CAP2: variants seen among roughly 807,000 people sequenced by gnomAD.
CAP2 encodes the protein adenylyl cyclase-associated protein 2.
Under a neutral mutation model 57.7 loss-of-function variants are expected in CAP2, and 24 were observed. The observed-to-expected ratio is 0.42, with a 90% CI of 0.30 to 0.58. CAP2 has a LOEUF of 0.58. CAP2 is among the 20% of genes least tolerant of loss of function. The pLI is 0.22. For synonymous variants in CAP2, 194 were observed against 207.2 expected (o/e 0.94, Z 0.55); for missense variants, 501 against 590.3 (o/e 0.85, Z 1.57).
intron 3 of CAP2, among the ~76,000 whole-genome samples, chr6:17,427,667 C>G (rs1277289326): frequency 2.6e-5 from 4 of 151,998 alleles, no homozygotes; most frequent in African/African-American, 9.7e-5. Flanking sequence ...ATGTATATCC[C>G]CCAAATTTAA....
At chr6:17,518,962 T>C (rs1042355564) in intron 7 of CAP2, among the ~76,000 whole-genome samples, 3 of 152,130 alleles carry the variant, frequency 2.0e-5, no homozygotes, top group South Asian at 4.1e-4. Flanking sequence ...AAAAACCCAT[T>C]CCATCTTAAC....
At chr6:17,536,517 T>TA (rs1335277059) in intron 7 of CAP2, among the ~76,000 whole-genome samples, 1 of 152,220 alleles carries the variant, frequency 6.6e-6, no homozygotes, top group Non-Finnish European at 1.5e-5. Context: ...CTTTGTAGCA[T>TA]TAAATGCTTT....
At chr6:17,504,536 C>T (rs1207729977) in intron 4 of CAP2, among the ~76,000 whole-genome samples, 1 of 152,168 alleles carries the variant, frequency 6.6e-6, no homozygotes, top group Non-Finnish European at 1.5e-5. Context: ...AGGGCCTCCC[C>T]GAAGACCTAG....
At chr6:17,510,652 T>C (rs955592907) in intron 6 of CAP2, among the ~76,000 whole-genome samples, 4 of 152,240 alleles carry the variant, frequency 2.6e-5, no homozygotes, top group Non-Finnish European at 5.9e-5. Context: ...AAATGCAAGA[T>C]GGTCTGTTCT....
intron 3 of CAP2, among the ~76,000 whole-genome samples, chr6:17,458,345 G>T (rs934199305): frequency 2.0e-5 from 3 of 152,168 alleles, no homozygotes; most frequent in African/African-American, 7.2e-5. Flanking sequence ...AATTTAAACA[G>T]TCAAGAGACT....
At chr6:17,502,112 C>T (rs929016940) in intron 4 of CAP2, among the ~76,000 whole-genome samples, 3 of 152,196 alleles carry the variant, frequency 2.0e-5, no homozygotes, top group Non-Finnish European at 4.4e-5. Context: ...GAGCTACCAC[C>T]AATGCACTCC....
chr6:17,414,311 TACATGTGCAGA>T (rs1759221106), intron 1 of CAP2, among the ~76,000 whole-genome samples: 1 of 152,022 alleles, frequency 6.6e-6, no homozygotes, highest in African/African-American at 2.4e-5. Flanking sequence ...AAAAATGGGA[TACATGTGCAGA>T]ACATGCAGGT....
At chr6:17,401,114 A>C (rs1007957442) in intron 1 of CAP2, among the ~76,000 whole-genome samples, 1 of 152,170 alleles carries the variant, frequency 6.6e-6, no homozygotes, top group African/African-American at 2.4e-5. Flanking sequence ...ATGTCCTCCC[A>C]AAATTCTTAT....
chr6:17,455,698 G>T (rs961254984), intron 3 of CAP2, among the ~76,000 whole-genome samples: 5 of 152,238 alleles, frequency 3.3e-5, no homozygotes, highest in African/African-American at 1.2e-4. Flanking sequence ...ACCATGCCCG[G>T]CTAATTTTTT....
intron 3 of CAP2, among the ~76,000 whole-genome samples, chr6:17,452,985 T>C (rs1217043186): frequency 6.6e-6 from 1 of 152,234 alleles, no homozygotes; most frequent in Non-Finnish European, 1.5e-5. Flanking sequence ...ACAGGACTGA[T>C]AGCAAAAGTT....
In CAP2 at chr6:17,462,327, T is replaced by C. The variant is rs572974118; in HGVS notation, c.223-669T>C. Among the ~76,000 whole-genome samples, 3 of 152,242 alleles carry C rather than the reference T, an allele frequency of 2.0e-5. No individual in the cohort carries two copies. In the East Asian group the frequency reaches 5.8e-4, roughly 29 times the overall value. On this transcript the variant is annotated intron_variant, in intron 3 of 12. Coordinates refer to ENST00000229922, the MANE Select transcript of CAP2 (RefSeq NM_006366.3). ...GGTGTAGAATAGAATGTGGGCACAG[T>C]GTGAAAGAGGGTAAGAGAGAGACAG...
At chr6:17,547,698 A>G (rs772825301) in intron 11 of CAP2, among the ~76,000 whole-genome samples, 1 of 151,990 alleles carries the variant, frequency 6.6e-6, no homozygotes, top group East Asian at 1.9e-4. Flanking sequence ...AAAATAAACC[A>G]GGCGTGGTGG....
intron 1 of CAP2, among the ~76,000 whole-genome samples, chr6:17,416,863 T>C (rs752319328): frequency 1.1e-4 from 17 of 152,050 alleles, no homozygotes; most frequent in Non-Finnish European, 1.9e-4. Context: ...GAAACTGAAA[T>C]GGGAGAATTG....
Position 17,536,353 on chromosome 6 carries a change from G to A in CAP2, c.637-2916G>A, listed in dbSNP as rs546557003. 3 of 452,070 alleles carry A rather than the reference G, an allele frequency of 6.6e-6. No individual in the cohort carries two copies. In the East Asian group the frequency reaches 2.1e-4, roughly 32 times the overall value. 28.0% of individuals were successfully genotyped at this position (452,070 alleles called of 1,614,324 possible). A position where few individuals can be genotyped will look rare whatever the true frequency, so the allele number is the denominator to read the frequency against. ...GAGTCCACTGTACGGTAAAGCACCTGAATGCTAATTGAAAAGTAACCTTGG... is the reference window on the plus strand; with the variant it reads ...GAGTCCACTGTACGGTAAAGCACCTAAATGCTAATTGAAAAGTAACCTTGG... On this transcript the variant is annotated intron_variant, in intron 7 of 12. Coordinates refer to ENST00000229922, the MANE Select transcript of CAP2 (RefSeq NM_006366.3).
At chr6:17,461,179 A>G (rs1760709777) in intron 3 of CAP2, among the ~76,000 whole-genome samples, 1 of 138,598 alleles carries the variant, frequency 7.2e-6, no homozygotes, top group Admixed American at 6.7e-5. Context: ...AGAAAAACAA[A>G]CAAAACAACA....
At chr6:17,401,920 T>C (rs752921340) in intron 1 of CAP2, among the ~76,000 whole-genome samples, 2 of 152,200 alleles carry the variant, frequency 1.3e-5, no homozygotes, top group African/African-American at 4.8e-5. Flanking sequence ...CAATTATCAA[T>C]TGAAAGTCTT....
At chr6:17,527,526 T>A (rs746603729) in intron 7 of CAP2, among the ~76,000 whole-genome samples, 7 of 152,128 alleles carry the variant, frequency 4.6e-5, no homozygotes, top group Non-Finnish European at 7.4e-5. Context: ...AGGCAATTTA[T>A]GCAGAATATA....
intron 1 of CAP2, among the ~76,000 whole-genome samples, chr6:17,409,129 T>C (rs1459832848): frequency 6.6e-6 from 1 of 151,028 alleles, no homozygotes; most frequent in South Asian, 2.1e-4. Context: ...CCCAGCACTT[T>C]AGGAGGCTGA....
chr6:17,542,551 A>C (rs1762930354), intron 9 of CAP2, among the ~76,000 whole-genome samples: 1 of 152,130 alleles, frequency 6.6e-6, no homozygotes, highest in African/African-American at 2.4e-5. Flanking sequence ...ACTTGGCATC[A>C]AGGCCTCAAC....
Sources: gnomAD v4.1 joint callset for allele counts (sites outside exome capture counted in the v4.1 genomes callset) on GRCh38, gnomAD v4.1.1 for gene constraint, MANE v1.5 for transcripts, NCBI Gene and HGNC (gene_info 2026-07-23, HGNC 2026-07-21) for gene names.